SND1: variants seen among roughly 807,000 people sequenced by gnomAD.
SND1 encodes staphylococcal nuclease domain-containing protein 1.
A neutral mutation model predicts 121.7 loss-of-function variants in SND1; 38 were observed. The observed-to-expected ratio is 0.31, with a 90% CI of 0.24 to 0.41. The LOEUF is 0.41. Ranked by LOEUF, SND1 falls within the 10% of genes least tolerant of loss-of-function variation. SND1 has a pLI of 1.00. For missense variants in SND1, 868 were observed against 1,184.6 expected (o/e 0.73, Z 3.92); for synonymous variants, 401 against 447.4 (o/e 0.90, Z 1.31).
At chr7:127,729,582 G>A (rs572635345) in intron 10 of SND1, among the ~76,000 whole-genome samples, 3 of 150,930 alleles carry the variant, frequency 2.0e-5, no homozygotes, top group African/African-American at 4.9e-5. Context: ...GGAAAATTTT[G>A]TGCAATTCAG....
rs1236516357 is a variant in SND1, at chr7:127,887,963, G to C, written c.1405G>C (p.Asp469His). 5 of 1,612,226 alleles carry C rather than the reference G, an allele frequency of 3.1e-6. No individual in the cohort carries two copies. The highest frequency in any genetic ancestry group is 2.7e-5 in the African/African-American group (2 of 74,822). Residue 469 changes from aspartate (D) to histidine (H), a missense_variant, in exon 13 of 24, where the codon GAT becomes CAT. By Grantham distance (81) the Asp-to-His change is moderately conservative. Around this residue, in one of 2 missense-constraint regions of SND1, gnomAD observed 743 missense variants for 1,071.3 expected, o/e 0.69. Coordinates refer to ENST00000354725, the MANE Select transcript of SND1 (RefSeq NM_014390.4). ...CACAGTGATCAGATACCGGCAGGAT[G>C]ATGACCAGAGATCATCACACTACGA... ...LATVIRYRQDDDQRSSHYDEL... is the reference protein window; with the variant it reads ...LATVIRYRQDHDQRSSHYDEL...
At chr7:128,021,221 T>A (rs985337206) in intron 16 of SND1, among the ~76,000 whole-genome samples, 2 of 152,206 alleles carry the variant, frequency 1.3e-5, no homozygotes, top group Non-Finnish European at 2.9e-5. Flanking sequence ...TAAGTCTTCT[T>A]GCAATGGCAA....
intron 13 of SND1, among the ~76,000 whole-genome samples, chr7:127,888,968 A>G (rs577157446): frequency 8.1e-4 from 123 of 152,188 alleles, no homozygotes; most frequent in African/African-American, 2.9e-3. Context: ...GGCCCATAAC[A>G]TTGCCCTGAT....
intron 15 of SND1, among the ~76,000 whole-genome samples, chr7:127,972,655 C>G (rs1283885956): frequency 1.3e-5 from 2 of 152,144 alleles, no homozygotes; most frequent in Admixed American, 1.3e-4. Context: ...TCTCTGCTCG[C>G]CGCAACCTCT....
chr7:127,798,180 A>T (rs188464300), intron 10 of SND1, among the ~76,000 whole-genome samples: 5 of 152,270 alleles, frequency 3.3e-5, no homozygotes, highest in Admixed American at 1.3e-4. Flanking sequence ...GAGGCCGCCT[A>T]AATTTGCTTT....
chr7:127,819,815 T>G (rs1798515189), intron 11 of SND1, among the ~76,000 whole-genome samples: 1 of 152,220 alleles, frequency 6.6e-6, no homozygotes, highest in Non-Finnish European at 1.5e-5. Flanking sequence ...AAGATTGTTT[T>G]ATTTTAAATA....
chr7:127,745,027 A>G (rs1796953147), intron 10 of SND1, among the ~76,000 whole-genome samples: 1 of 152,248 alleles, frequency 6.6e-6, no homozygotes, highest in Non-Finnish European at 1.5e-5. Flanking sequence ...ACCTTAAACT[A>G]TAAAAATAAT....
chr7:128,080,459 G>A (rs756848841), intron 17 of SND1, among the ~76,000 whole-genome samples: 16 of 152,384 alleles, frequency 1.0e-4, no homozygotes, highest in Non-Finnish European at 2.1e-4. Flanking sequence ...GAGGTGAGGA[G>A]GATGGAGAAA....
chr7:127,936,011 G>A (rs1363067985), intron 15 of SND1, among the ~76,000 whole-genome samples: 1 of 152,224 alleles, frequency 6.6e-6, no homozygotes, highest in Non-Finnish European at 1.5e-5. Context: ...AAGCCAGCTG[G>A]CTGTTCTGTC....
chr7:127,746,392 T>G (rs1352321830), intron 10 of SND1, among the ~76,000 whole-genome samples: 1 of 152,230 alleles, frequency 6.6e-6, no homozygotes, highest in Non-Finnish European at 1.5e-5. Flanking sequence ...CAACCCTAGC[T>G]CATGTGTCCT....
At chr7:127,863,014 G>A (rs999162816) in intron 12 of SND1, among the ~76,000 whole-genome samples, 3 of 152,106 alleles carry the variant, frequency 2.0e-5, no homozygotes, top group African/African-American at 4.8e-5. Flanking sequence ...TAATTTTTTA[G>A]TAGAAAGACA....
intron 13 of SND1, among the ~76,000 whole-genome samples, chr7:127,897,036 G>A (rs147496548): frequency 4.0e-4 from 61 of 152,156 alleles, no homozygotes; most frequent in African/African-American, 1.3e-3. Context: ...GATTGTGAAC[G>A]GGAAATCCGC....
At chr7:127,824,265 T>TA (rs779989970) in intron 11 of SND1, among the ~76,000 whole-genome samples, 2 of 152,256 alleles carry the variant, frequency 1.3e-5, no homozygotes, top group African/African-American at 2.4e-5. Context: ...GCAATAGTGT[T>TA]ATTTGTCATC....
At chr7:127,674,199 G>A (rs998488217) in intron 1 of SND1, among the ~76,000 whole-genome samples, 7 of 152,146 alleles carry the variant, frequency 4.6e-5, no homozygotes, top group Non-Finnish European at 7.3e-5. Flanking sequence ...CCAAGAAACA[G>A]GAATGTTTAG....
At chr7:127,974,447 G>A (rs1802068369) in intron 15 of SND1, among the ~76,000 whole-genome samples, 1 of 152,154 alleles carries the variant, frequency 6.6e-6, no homozygotes, top group South Asian at 2.1e-4. Flanking sequence ...GGGTTGGCCT[G>A]GGCTCCCTTT....
At chr7:127,870,758 G>A (rs909445349) in intron 12 of SND1, among the ~76,000 whole-genome samples, 1 of 152,060 alleles carries the variant, frequency 6.6e-6, no homozygotes, top group East Asian at 1.9e-4. Flanking sequence ...GTTACTGTAC[G>A]CTACTGTAGA....
At position 127,712,777 on chromosome 7, in the gene SND1, C is replaced by A. The variant is rs912286783; in HGVS notation, c.1038+5130C>A. On this transcript the variant is annotated intron_variant, in intron 9 of 23. Coordinates refer to ENST00000354725, the MANE Select transcript of SND1 (RefSeq NM_014390.4). ...TTATGTATAGATACGTTTTACAGAT[C>A]CCTTTTATCTAGAGGTGTTTAGAGA... Among the ~76,000 whole-genome samples the A allele has an allele frequency of 4.6e-5, 7 of 152,220 alleles. No homozygotes were observed. The South Asian group carries it at 1.5e-3, about 32-fold the overall frequency.
At chr7:127,919,528 T>C (rs1274619155) in intron 14 of SND1, among the ~76,000 whole-genome samples, 1 of 152,188 alleles carries the variant, frequency 6.6e-6, no homozygotes, top group African/African-American at 2.4e-5. Context: ...AAGAAAAAAA[T>C]AGTATTTTAA....
At chr7:127,922,177 T>TTTTTTG (rs1800723905) in intron 14 of SND1, among the ~76,000 whole-genome samples, 1 of 42,528 alleles carries the variant, frequency 2.4e-5, no homozygotes, top group Non-Finnish European at 4.0e-5. Flanking sequence ...TTTCTTTCCT[T>TTTTTTG]TTTTTTTTTT....
Sources: gnomAD v4.1 joint callset for allele counts (sites outside exome capture counted in the v4.1 genomes callset) on GRCh38, gnomAD v4.1.1 for gene constraint, gnomAD v4.1.1 regional missense constraint, MANE v1.5 for transcripts, NCBI Gene and HGNC (gene_info 2026-07-23, HGNC 2026-07-21) for gene names.